Variants in PER2 observed in about 807,000 individuals in gnomAD.
The protein encoded by PER2 is period circadian protein homolog 2.
PER2 carries 66 observed loss-of-function variants against 121.0 expected under a neutral mutation model. The observed-to-expected ratio is 0.55, with a 90% confidence interval of 0.45 to 0.67. The LOEUF is 0.67. PER2 is among the 30% of genes least tolerant of loss of function. The pLI is 0.00. For synonymous variants in PER2, 684 were observed against 659.9 expected (o/e 1.04, Z -0.56); for missense variants, 1,521 against 1,635.0 (o/e 0.93, Z 1.20).
chr2:238,296,783 G>A, the PER2 span, among the ~76,000 whole-genome samples: 1 of 152,218 alleles, frequency 6.6e-6, no homozygotes, highest in South Asian at 2.1e-4. Context: ...CGGCCCCAGG[G>A]GGGGTTCCCT....
chr2:238,271,078 C>T (rs1048369694), intron 6 of PER2, among the ~76,000 whole-genome samples: 4 of 152,244 alleles, frequency 2.6e-5, no homozygotes, highest in Non-Finnish European at 4.4e-5. Flanking sequence ...TTCTAAAATG[C>T]CTAACGGTTT....
chr2:238,281,297 C>T lies in PER2; in HGVS notation c.-19-3342G>A, dbSNP rs115229208. Among the ~76,000 whole-genome samples, 1,159 of 152,224 alleles carry T rather than the reference C, an allele frequency of 7.6e-3. 13 individuals carry two copies. The highest frequency in any genetic ancestry group is 0.027 in the African/African-American group (1,110 of 41,524). Reference sequence around the variant, plus strand: ...GATTACAGGCGTGAGCCACCAGGCCCGGCCGTCTACATATATTAATAGCTT... The same window carrying T: ...GATTACAGGCGTGAGCCACCAGGCCTGGCCGTCTACATATATTAATAGCTT... On this transcript the variant is annotated intron_variant, in intron 1 of 22. Transcript: ENST00000254657.
chr2:238,287,359 C>A (rs76784767), intron 1 of PER2, among the ~76,000 whole-genome samples: 16,687 of 152,276 alleles, frequency 0.11, 1,213 homozygotes, highest in Admixed American at 0.17. Flanking sequence ...CCAAATAAAG[C>A]CTTCAGGTAG....
At chr2:238,288,102 A>G (rs1308485778) in intron 1 of PER2, among the ~76,000 whole-genome samples, 1 of 152,124 alleles carries the variant, frequency 6.6e-6, no homozygotes, top group East Asian at 1.9e-4. Flanking sequence ...GTGGGTGTCC[A>G]GGAAAAGCTC....
chr2:238,274,690 G>A (rs1202853893), intron 4 of PER2, among the ~76,000 whole-genome samples: 1 of 152,190 alleles, frequency 6.6e-6, no homozygotes, highest in East Asian at 1.9e-4. Context: ...AGGCACGCAG[G>A]CCCAGAGCGG....
chr2:238,262,335 G>A lies in PER2; in HGVS notation c.1163C>T (p.Ser388Leu), dbSNP rs1166503652. The A allele has an allele frequency of 6.2e-7, 1 of 1,614,104 alleles. No homozygotes were observed. Among genetic ancestry groups the A allele is most frequent in the East Asian group, 2.2e-5 (1 of 44,874 alleles). ...MLAIHKKILQ[S>L]GGQPFDYSPI... is the part of the protein sequence containing the mutation. Reference sequence around the variant, plus strand: ...AGAATAGTCGAAAGGCTGCCCGCCTGACTGCAGGACTAGGAGAGCAAAAGC... The same window carrying A: ...AGAATAGTCGAAAGGCTGCCCGCCTAACTGCAGGACTAGGAGAGCAAAAGC... The change falls in exon 11 of 23, where the codon TCA becomes TTA. Residue 388 changes from serine to leucine, a missense_variant. Transcript: ENST00000254657.
At position 238,262,990 on chromosome 2, in the gene PER2, G is replaced by A; in HGVS notation, c.1115C>T (p.Pro372Leu). 1.9e-6 allele frequency: 3 copies of A among 1,613,980 alleles called. No homozygotes were observed. Among genetic ancestry groups the A allele is most frequent in the Non-Finnish European group, 2.5e-6 (3 of 1,179,840 alleles). The stretch of plus-strand genomic sequence containing the variant: ...GGCCAGCATCAAGGGCCTGTCACTA[G>A]GGTGGAGCTGCACGAGCACTGGGGT... The part of the protein sequence containing the change: ...IETPVLVQLH[P>L]SDRPLMLAIH... The change falls in exon 10 of 23, where the codon CCT becomes CTT. Residue 372 changes from proline (P) to leucine (L), a missense_variant. By Grantham distance (98) the Pro-to-Leu change is moderately conservative. Transcript: ENST00000254657.
intron 6 of PER2, among the ~76,000 whole-genome samples, chr2:238,269,522 C>T (rs1696219017): frequency 7.6e-6 from 1 of 132,252 alleles, no homozygotes; most frequent in Non-Finnish European, 1.5e-5. Flanking sequence ...CAACTGAACA[C>T]ACTCACGGTG....
chr2:238,249,296 G>A, intron 21 of PER2, 84 bp from the exon 22 acceptor site: 2 of 1,415,424 alleles, frequency 1.4e-6, no homozygotes, highest in Non-Finnish European at 1.9e-6. Context: ...TGTAGTTTTA[G>A]ATGATTTTGT....
At chr2:238,255,190 C>A (rs1695724115) in intron 18 of PER2, 2 of 247,954 alleles carry the variant, frequency 8.1e-6, no homozygotes, top group Non-Finnish European at 7.9e-6. Context: ...ACTCTGGAGT[C>A]CAAAGCCCAG....
chr2:238,265,725 G>A, intron 8 of PER2, 135 bp from the exon 9 acceptor site: 1 of 660,506 alleles, frequency 1.5e-6, no homozygotes, highest in Admixed American at 2.3e-5. Flanking sequence ...CATGGACTCT[G>A]AACAACAGAG....
chr2:238,275,965 C>T (rs563715843), intron 3 of PER2, 68 bp from the exon 4 acceptor site: 596 of 1,540,480 alleles, frequency 3.9e-4, no homozygotes, highest in Admixed American at 7.2e-4. Flanking sequence ...AGAAACGTGC[C>T]TCTTGCCCAT....
At chr2:238,273,301 A>G (rs746374697) in intron 4 of PER2, 110 bp from the exon 5 acceptor site, 56 of 1,180,516 alleles carry the variant, frequency 4.7e-5, no homozygotes, top group Admixed American at 9.8e-5. Context: ...AAAAGGTAGG[A>G]TATAAATCTC....
At chr2:238,261,149 C>T (rs1006828113) in intron 12 of PER2, among the ~76,000 whole-genome samples, 196 bp from the exon 13 acceptor site, 4 of 152,222 alleles carry the variant, frequency 2.6e-5, no homozygotes, top group Non-Finnish European at 2.9e-5. Context: ...CGCGGTGCCC[C>T]GACCCAGACA....
chr2:238,258,414 A>G lies in PER2; in HGVS notation c.1776-14T>C. 1 of 1,614,206 alleles carries G rather than the reference A, an allele frequency of 6.2e-7. No individual in the cohort carries two copies. The highest frequency in any genetic ancestry group is 1.1e-5 in the South Asian group (1 of 91,088). On this transcript the variant is annotated splice_polypyrimidine_tract_variant and intron_variant, in intron 15 of 22. Transcript: ENST00000254657. ...CTCTCCAAGTACCTGTGTGAAAGGC[A>G]TGAACCACTGGTGAGGCCACACAAC... is the stretch of plus-strand genomic sequence containing the variant.
Position 238,275,805 on chromosome 2 carries a change from T to C in PER2, c.386A>G (p.Lys129Arg). The change falls in exon 4 of 23, where the codon AAG becomes AGG. Residue 129 changes from lysine (K) to arginine (R), a missense_variant. Physicochemically the swap from Lys to Arg is conservative, Grantham distance 26. Transcript: ENST00000254657. Reference protein sequence around the residue: ...KVHLPADKKAKGKASTLATLK... With the variant: ...KVHLPADKKARGKASTLATLK... ...GGTGGCCAGCGTACTGGCCTTGCCCTTGGCCTTCTTGTCTGCAGGGAGGTG... is the reference window on the plus strand; with the variant it reads ...GGTGGCCAGCGTACTGGCCTTGCCCCTGGCCTTCTTGTCTGCAGGGAGGTG... 1 of 1,614,226 alleles carries C rather than the reference T, an allele frequency of 6.2e-7. No homozygotes were observed. The highest frequency in any genetic ancestry group is 8.5e-7 in the Non-Finnish European group (1 of 1,180,012).
At chr2:238,293,764 AAAAG>A (rs1056266337), upstream of PER2, among the ~76,000 whole-genome samples, 39 of 151,950 alleles carry the variant, frequency 2.6e-4, no homozygotes, top group Admixed American at 7.2e-4. Flanking sequence ...AAAAAGAAAA[AAAAG>A]AAAGAAAAAC....
chr2:238,250,512 A>C (rs1434467573), intron 21 of PER2, 39 bp downstream of exon 21: 2 of 1,472,728 alleles, frequency 1.4e-6, no homozygotes, highest in African/African-American at 1.4e-5. Context: ...CCTGAACCCC[A>C]TCCCTCCCCA....
Position 238,255,734 on chromosome 2 carries a change from A to C in PER2, c.2243T>G (p.Ile748Arg), listed in dbSNP as rs1260519431. 3.1e-6 allele frequency: 5 copies of C among 1,614,058 alleles called. No homozygotes were observed. The highest frequency in any genetic ancestry group is 4.2e-6 in the Non-Finnish European group (5 of 1,180,036). The change falls in exon 18 of 23, where the codon ATA becomes AGA. Residue 748 changes from isoleucine to arginine, a missense_variant. Transcript: ENST00000254657. ...GGACTGGAAAATGCTGAGTTTTCTT[A>C]TTTCTTTGAACTTCTGCAGGAAGCT... ...EQSFLQKFKE[I>R]RKLSIFQSHC...
Sources: allele counts gnomAD v4.1 joint callset (sites outside exome capture counted in the v4.1 genomes callset), GRCh38; gene constraint gnomAD v4.1.1; transcripts MANE v1.5; gene names NCBI Gene and HGNC (gene_info 2026-07-23, HGNC 2026-07-21).